OARD1: variants seen among roughly 807,000 people sequenced by gnomAD.
OARD1 encodes O-acyl-ADP-ribose deacylase 1.
In OARD1, 19 loss-of-function variants were observed where a neutral mutation model predicts 19.7. That is an observed-to-expected ratio of 0.96 (90% CI 0.67 to 1.41). The LOEUF (loss-of-function observed/expected upper bound fraction) is 1.41. Ranked by LOEUF, OARD1 falls within the 40% of genes most tolerant of loss-of-function variation. The pLI is 0.00. For missense variants in OARD1, 190 were observed against 183.8 expected (o/e 1.03, Z -0.20); for synonymous variants, 70 against 61.8 (o/e 1.13, Z -0.62).
intron 1 of OARD1, chr6:41,091,577 A>T (rs781385825): frequency 6.2e-7 from 1 of 1,614,214 alleles, no homozygotes; most frequent in South Asian, 1.1e-5. Flanking sequence ...CCAGTTTGGC[A>T]GGAGCACAGA....
At chr6:41,071,943 G>A in intron 1 of OARD1, 1 of 397,190 alleles carries the variant, frequency 2.5e-6, no homozygotes, top group Non-Finnish European at 4.6e-6. Context: ...CCTAAGACAC[G>A]CCTCCTCCTT....
chr6:41,073,857 C>T (rs1262656611), upstream of OARD1, among the ~76,000 whole-genome samples: 3 of 152,030 alleles, frequency 2.0e-5, no homozygotes, highest in Admixed American at 6.6e-5. Flanking sequence ...CTCGTCATTT[C>T]CTCTCTTCCC....
chr6:41,083,952 A>G, intron 1 of OARD1: 1 of 1,239,400 alleles, frequency 8.1e-7, no homozygotes, highest in Non-Finnish European at 1.1e-6. Context: ...TTCCTTTTCT[A>G]GCAAGGCAGC....
rs948966178 is a variant in OARD1, at chr6:41,064,813, G to A, written c.*2522C>T. 2.6e-5 allele frequency: 4 copies of A among 152,104 alleles called. No individual in the cohort carries two copies. Among genetic ancestry groups the A allele is most frequent in the Admixed American group, 6.5e-5 (1 of 15,270 alleles). The allele number at this position is 152,104 out of a possible 1,614,324, so 9.4% of individuals were successfully genotyped here. A position where few individuals can be genotyped will look rare whatever the true frequency, so the allele number is the denominator to read the frequency against. On this transcript the variant is annotated 3_prime_UTR_variant, in exon 6 of 6. Transcript: ENST00000424266. ...ACTAGCTTCTTTATTAGAGAGGAGC[G>A]GGTGAAAAGTAGTAGTTTAATGTTC...
At chr6:41,072,535 A>G (rs1422816156), upstream of OARD1, 1 of 151,898 alleles carries the variant, frequency 6.6e-6, no homozygotes, top group African/African-American at 2.4e-5. Context: ...CCGAGCCCAC[A>G]CTCTTTGGCG....
At chr6:41,068,780 G>T in intron 5 of OARD1, 61 bp downstream of exon 5, 1 of 939,682 alleles carries the variant, frequency 1.1e-6, no homozygotes, top group Non-Finnish European at 1.6e-6. Context: ...TTTGTCTTTG[G>T]GTAAGATAGT....
At chr6:41,089,251 A>C (rs1190839407) in intron 1 of OARD1, among the ~76,000 whole-genome samples, 2 of 152,164 alleles carry the variant, frequency 1.3e-5, no homozygotes, top group Admixed American at 6.5e-5. Flanking sequence ...TCCAAAGTGC[A>C]AGGATTACAG....
intron 1 of OARD1, among the ~76,000 whole-genome samples, chr6:41,079,535 A>G (rs1763850473): frequency 6.6e-6 from 1 of 152,234 alleles, no homozygotes; most frequent in Admixed American, 6.5e-5. Flanking sequence ...ATAGCTTCCA[A>G]TAAATCTTCT....
intron 5 of OARD1, 59 bp from the exon 6 acceptor site, chr6:41,067,496 C>G (rs531858470): frequency 8.8e-7 from 1 of 1,134,088 alleles, no homozygotes; most frequent in East Asian, 2.4e-5. Flanking sequence ...AACTGCTCCT[C>G]TCTTTTAAGC....
At chr6:41,068,409 T>G (rs2114047555) in intron 5 of OARD1, among the ~76,000 whole-genome samples, 1 of 152,230 alleles carries the variant, frequency 6.6e-6, no homozygotes, top group East Asian at 1.9e-4. Context: ...TAAAAGGGAA[T>G]GATAATTTAC....
Position 41,070,189 on chromosome 6 carries a change from C to CTA in OARD1, c.185-57_185-56dup, listed in dbSNP as rs551257034. 8.2e-5 allele frequency: 77 copies of CTA among 943,524 alleles called. No homozygotes were observed. The East Asian group carries it at 1.4e-3, about 17-fold the overall frequency. 58.4% of individuals were successfully genotyped at this position (943,524 alleles called of 1,614,324 possible). A position where few individuals can be genotyped will look rare whatever the true frequency, so the allele number is the denominator to read the frequency against. ...GAAAAAGAAAACCAAACACTGATCT[C>CTA]TAAAGATTTTAAAATGTTTACAGAT... On this transcript the variant is annotated intron_variant, in intron 3 of 5. Transcript: ENST00000424266.
At chr6:41,083,670 C>T (rs1418234958) in intron 1 of OARD1, among the ~76,000 whole-genome samples, 2 of 152,216 alleles carry the variant, frequency 1.3e-5, no homozygotes, top group African/African-American at 2.4e-5. Context: ...CTTTCCCTCT[C>T]ATTGCCTTCT....
At position 41,065,628 on chromosome 6, in the gene OARD1, T is replaced by A. The variant is rs940467548; in HGVS notation, c.*1707A>T. On this transcript the variant is annotated 3_prime_UTR_variant, in exon 6 of 6. Transcript: ENST00000424266. Reference sequence around the variant, plus strand: ...AATGAACTTGACCCTCCACTGCCCCTACCCCAACAACATGAAGAACTTGTC... The same window carrying A: ...AATGAACTTGACCCTCCACTGCCCCAACCCCAACAACATGAAGAACTTGTC... The A allele has an allele frequency of 3.3e-5, 5 of 152,172 alleles. No individual in the cohort carries two copies. Among genetic ancestry groups the A allele is most frequent in the Admixed American group, 6.5e-5 (1 of 15,284 alleles). 9.4% of individuals were successfully genotyped at this position (152,172 alleles called of 1,614,324 possible). A position where few individuals can be genotyped will look rare whatever the true frequency, so the allele number is the denominator to read the frequency against.
At chr6:41,073,789 C>G (rs754628703), upstream of OARD1, among the ~76,000 whole-genome samples, 3 of 152,164 alleles carry the variant, frequency 2.0e-5, no homozygotes, top group Non-Finnish European at 4.4e-5. Context: ...CGCCGCGCCC[C>G]TCCTCCCAGC....
intron 5 of OARD1, among the ~76,000 whole-genome samples, chr6:41,067,755 A>G (rs1763096569): frequency 6.6e-6 from 1 of 152,230 alleles, no homozygotes; most frequent in African/African-American, 2.4e-5. Flanking sequence ...TACTGACTAA[A>G]ATTGGCTGTG....
chr6:41,083,568 A>G (rs1254277838), intron 1 of OARD1, among the ~76,000 whole-genome samples: 1 of 152,206 alleles, frequency 6.6e-6, no homozygotes, highest in Non-Finnish European at 1.5e-5. Flanking sequence ...GCTGCTTGCT[A>G]CCCAGCCTCC....
upstream of OARD1, among the ~76,000 whole-genome samples, chr6:41,073,689 G>C (rs1011878289): frequency 7.9e-5 from 12 of 152,048 alleles, no homozygotes; most frequent in Non-Finnish European, 1.8e-4. Flanking sequence ...AACGGGGCTG[G>C]CCCGCCCACG....
intron 5 of OARD1, 21 bp from the exon 6 acceptor site, chr6:41,067,458 C>T (rs1763075063): frequency 6.6e-7 from 1 of 1,515,046 alleles, no homozygotes; most frequent in African/African-American, 1.4e-5. Flanking sequence ...CAAAATATCT[C>T]CATTGATGGT....
chr6:41,090,371 C>A, intron 1 of OARD1: 1 of 978,256 alleles, frequency 1.0e-6, no homozygotes, highest in Non-Finnish European at 1.6e-6. Flanking sequence ...CCTTAGACAA[C>A]TGACATCTTT....
Sources: allele counts gnomAD v4.1 joint callset (sites outside exome capture counted in the v4.1 genomes callset), GRCh38; gene constraint gnomAD v4.1.1; transcripts MANE v1.5; gene names NCBI Gene and HGNC (gene_info 2026-07-23, HGNC 2026-07-21).